ATP2C2: variants seen among roughly 807,000 people sequenced by gnomAD.
ATP2C2 encodes the protein calcium-transporting ATPase type 2C member 2.
Under a neutral mutation model 110.8 loss-of-function variants are expected in ATP2C2, and 171 were observed. That is an observed-to-expected ratio of 1.54 (90% CI 1.36 to 1.75). ATP2C2 has a LOEUF of 1.75. Ranked by LOEUF, ATP2C2 falls within the 40% of genes most tolerant of loss-of-function variation. The probability of loss-of-function intolerance (pLI) is 0.00; values close to 1 mark genes in which losing one functional copy is unlikely to be tolerated. For missense variants in ATP2C2, 1,963 were observed against 1,235.0 expected, an observed-to-expected ratio of 1.59 and a Z score of -8.84; for synonymous variants, 804 against 508.4, an observed-to-expected ratio of 1.58 and a Z score of -7.82.
At position 84,422,470 on chromosome 16, in the gene ATP2C2, C is replaced by T. The variant is rs369777857; in HGVS notation, c.705C>T (p.Gly235=). Reference sequence around the variant, plus strand: ...GTAAAACAGACAGCCCCTTGACAGGCGGTGGGGACCTCACCACCCTCAGCA... The same window carrying T: ...GTAAAACAGACAGCCCCTTGACAGGTGGTGGGGACCTCACCACCCTCAGCA... ...PCSKTDSPLT[G]GGDLTTLSNI... The change falls in exon 8 of 27, where the codon GGC becomes GGT. Residue 235 remains glycine, a synonymous_variant. Transcript: ENST00000262429. 1.4e-4 allele frequency: 222 copies of T among 1,613,986 alleles called. No homozygotes were observed. Among genetic ancestry groups the T allele is most frequent in the Non-Finnish European group, 1.7e-4 (197 of 1,180,004 alleles).
chr16:84,448,436 C>A, intron 16 of ATP2C2, 97 bp from the exon 17 acceptor site: 1 of 1,410,016 alleles, frequency 7.1e-7, no homozygotes, highest in Admixed American at 2.3e-5. Context: ...CAAAGATCCC[C>A]GTGTGTGTCT....
chr16:84,382,730 C>T (rs1910656182), intron 1 of ATP2C2, among the ~76,000 whole-genome samples: 4 of 152,120 alleles, frequency 2.6e-5, no homozygotes, highest in Admixed American at 2.6e-4. Flanking sequence ...CCCGTCTCTA[C>T]TAAAAATGCA....
intron 3 of ATP2C2, 109 bp from the exon 4 acceptor site, chr16:84,408,296 A>T (rs1905956220): frequency 2.0e-6 from 2 of 1,015,088 alleles, no homozygotes; most frequent in Non-Finnish European, 3.0e-6. Context: ...TTGACCTGGA[A>T]GCCTGGCCCT....
chr16:84,425,593 C>A (rs141385753), intron 10 of ATP2C2, 142 bp from the exon 11 acceptor site: 1 of 894,542 alleles, frequency 1.1e-6, no homozygotes, highest in Middle Eastern at 2.2e-4. Context: ...AGAGAAGAGA[C>A]GGGTTGAAAG....
intron 1 of ATP2C2, among the ~76,000 whole-genome samples, chr16:84,398,209 C>T (rs1246035515): frequency 1.3e-5 from 2 of 152,056 alleles, no homozygotes; most frequent in Non-Finnish European, 2.9e-5. Flanking sequence ...TGAGACCAAC[C>T]TGGCCAACAT....
At chr16:84,378,073 C>A (rs543456268) in intron 1 of ATP2C2, among the ~76,000 whole-genome samples, 2 of 152,280 alleles carry the variant, frequency 1.3e-5, no homozygotes, top group Non-Finnish European at 2.9e-5. Flanking sequence ...CCAAGATCTG[C>A]GATTCCAGAG....
chr16:84,461,586 C>A, intron 24 of ATP2C2, 128 bp from the exon 25 acceptor site: 7 of 817,636 alleles, frequency 8.6e-6, no homozygotes, highest in Non-Finnish European at 1.5e-5. Flanking sequence ...AGCTGTGTGA[C>A]CGATTCATGA....
In ATP2C2 at chr16:84,371,824, G is replaced by A. The variant is rs544233354; in HGVS notation, c.99+3110G>A. Among the ~76,000 whole-genome samples the A allele has an allele frequency of 5.3e-5, 8 of 152,282 alleles. 1 individual carries two copies. In the South Asian group the frequency reaches 6.2e-4, roughly 12 times the overall value. ...ACCCATCCATTCAACCTAGATTCAC[G>A]GAGGGGGCTCCCTCTGTGTGTCAAG... On this transcript the variant is annotated intron_variant, in intron 1 of 26. Coordinates refer to ENST00000262429, the MANE Select transcript of ATP2C2 (RefSeq NM_014861.4).
chr16:84,454,924 C>A lies in ATP2C2; in HGVS notation c.2087C>A (p.Thr696Lys), dbSNP rs200749453. 6.2e-6 allele frequency: 10 copies of A among 1,613,854 alleles called. No individual in the cohort carries two copies. The highest frequency in any genetic ancestry group is 1.3e-5 in the African/African-American group (1 of 74,910). The change falls in exon 21 of 27, where the codon ACG becomes AAG. Residue 696 changes from threonine to lysine, a missense_variant. Thr to Lys is a moderately conservative substitution (Grantham distance 78, BLOSUM62 -1). Transcript: ENST00000262429. ...DIGIAMGQTGTDVSKEAANMI... is the reference protein window; with the variant it reads ...DIGIAMGQTGKDVSKEAANMI... ...GGGATCGCCATGGGGCAGACAGGGA[C>A]GGACGTCAGCAAAGAGGCCGCCAAC... is the stretch of plus-strand genomic sequence containing the variant.
intron 1 of ATP2C2, among the ~76,000 whole-genome samples, chr16:84,380,280 CTTA>C (rs1177903473): frequency 6.6e-6 from 1 of 152,148 alleles, no homozygotes; most frequent in Admixed American, 6.5e-5. Context: ...TTTGCCTTCA[CTTA>C]TTATTGAATT....
intron 1 of ATP2C2, among the ~76,000 whole-genome samples, chr16:84,374,254 C>T (rs986931263): frequency 2.0e-5 from 3 of 152,164 alleles, no homozygotes; most frequent in African/African-American, 7.2e-5. Context: ...CAATTGTGCG[C>T]TGTGTGATGA....
In ATP2C2 at chr16:84,413,115, A is replaced by G. The variant is rs567735902; in HGVS notation, c.515+2350A>G. Among the ~76,000 whole-genome samples, 239 of 146,052 alleles carry G rather than the reference A, an allele frequency of 1.6e-3. 3 individuals carry two copies. The East Asian group carries it at 0.03, about 18-fold the overall frequency. On this transcript the variant is annotated intron_variant, in intron 6 of 26. Coordinates refer to ENST00000262429, the MANE Select transcript of ATP2C2 (RefSeq NM_014861.4). ...CTCTGTCTCAAAAAAAAAAAAAAAA[A>G]GTATCTCATGGTCTGGGGTGTCTGG...
chr16:84,452,680 G>C (rs1167429090), intron 18 of ATP2C2, among the ~76,000 whole-genome samples: 1 of 151,912 alleles, frequency 6.6e-6, no homozygotes, highest in African/African-American at 2.4e-5. Context: ...TTGTATTTTA[G>C]TAGAGACGGG....
In ATP2C2 at chr16:84,460,355, GT is replaced by G. The variant is rs1567466751; in HGVS notation, c.2334-298del. 14 of 436,774 alleles carry G rather than the reference GT, an allele frequency of 3.2e-5. No homozygotes were observed. In the South Asian group the frequency reaches 3.4e-4, roughly 11 times the overall value. 27.1% of individuals were successfully genotyped at this position (436,774 alleles called of 1,614,324 possible). A position where few individuals can be genotyped will look rare whatever the true frequency, so the allele number is the denominator to read the frequency against. ...TTCTCCAGGCGCAACGTTGGGGGGG[GT>G]CCCCTCGGGGTGATGGAGATCATCT... On this transcript the variant is annotated intron_variant, in intron 23 of 26. Coordinates refer to ENST00000262429, the MANE Select transcript of ATP2C2 (RefSeq NM_014861.4).
chr16:84,406,597 T>C (rs1262943584), intron 3 of ATP2C2: 2 of 985,478 alleles, frequency 2.0e-6, no homozygotes, highest in Non-Finnish European at 2.4e-6. Context: ...CAGTTCTCAG[T>C]GTTCTGGGAA....
At chr16:84,389,171 A>G (rs1331059234) in intron 1 of ATP2C2, among the ~76,000 whole-genome samples, 2 of 152,120 alleles carry the variant, frequency 1.3e-5, no homozygotes, top group Non-Finnish European at 2.9e-5. Flanking sequence ...TCCACAACCT[A>G]AGGCATTTGG....
At chr16:84,441,512 T>C (rs940871517) in intron 14 of ATP2C2, among the ~76,000 whole-genome samples, 23 of 152,306 alleles carry the variant, frequency 1.5e-4, no homozygotes, top group African/African-American at 5.3e-4. Flanking sequence ...CTCCTCCCCA[T>C]GTAGCAGGCA....
At chr16:84,410,926 C>T (rs1906228522) in intron 6 of ATP2C2, 161 bp downstream of exon 6, 9 of 687,000 alleles carry the variant, frequency 1.3e-5, no homozygotes, top group Admixed American at 2.2e-5. Context: ...GCCAATAGGT[C>T]GCTGTGTGTC....
chr16:84,405,321 G>A (rs1467954415), intron 3 of ATP2C2, 77 bp downstream of exon 3: 5 of 1,243,942 alleles, frequency 4.0e-6, no homozygotes, highest in Non-Finnish European at 5.7e-6. Flanking sequence ...ATCTTTCAAT[G>A]TTGATGGAAG....
Sources: allele counts gnomAD v4.1 joint callset (sites outside exome capture counted in the v4.1 genomes callset), GRCh38; gene constraint gnomAD v4.1.1; transcripts MANE v1.5; gene names NCBI Gene and HGNC (gene_info 2026-07-23, HGNC 2026-07-21).